PCDH9: variants seen among roughly 807,000 people sequenced by gnomAD.
PCDH9 encodes protocadherin-9.
A neutral mutation model predicts 70.6 loss-of-function variants in PCDH9; 24 were observed. The ratio of observed to expected loss-of-function variants is 0.34; its 90% confidence interval spans 0.25 to 0.48. The LOEUF (loss-of-function observed/expected upper bound fraction) is 0.48, where lower values mean the gene tolerates loss of function less well. Ranked by LOEUF, PCDH9 falls within the 20% of genes least tolerant of loss-of-function variation. PCDH9 has a pLI of 0.99. For synonymous variants in PCDH9, 562 were observed against 558.5 expected (o/e 1.01, Z -0.09); for missense variants, 1,281 against 1,503.6 (o/e 0.85, Z 2.45).
intron 3 of PCDH9, among the ~76,000 whole-genome samples, chr13:66,698,534 T>G (rs1376844137): frequency 1.3e-5 from 2 of 152,244 alleles, no homozygotes; most frequent in Admixed American, 1.3e-4. Context: ...GTGCTACCTT[T>G]CTCACAAGTC....
chr13:66,318,491 A>G (rs1226451114), intron 4 of PCDH9, among the ~76,000 whole-genome samples: 1 of 152,192 alleles, frequency 6.6e-6, no homozygotes, highest in African/African-American at 2.4e-5. Context: ...CTGAAATGTA[A>G]AAATTTTGTT....
chr13:66,942,421 T>TA lies in PCDH9; in HGVS notation c.3037-38817dup, dbSNP rs1304478719. On this transcript the variant is annotated intron_variant, in intron 2 of 4. Coordinates refer to ENST00000377865, the MANE Select transcript of PCDH9 (RefSeq NM_203487.3). ...ACCTATTTGTTTAGATGCGTGAAAG[T>TA]AAAAAAACCTCTACCCATGTTGATC... Among the ~76,000 whole-genome samples, 8 of 151,672 alleles carry TA rather than the reference T, an allele frequency of 5.3e-5. No homozygotes were observed. The East Asian group carries it at 7.7e-4, about 15-fold the overall frequency.
chr13:66,545,829 TTTTATTTATTTA>T (rs1555304918), intron 4 of PCDH9, among the ~76,000 whole-genome samples: 1 of 147,452 alleles, frequency 6.8e-6, no homozygotes, highest in African/African-American at 2.5e-5. Context: ...TTTTATTTTA[TTTTATTTATTTA>T]TTTATTTATT....
intron 3 of PCDH9, among the ~76,000 whole-genome samples, chr13:66,655,289 G>A (rs1015893452): frequency 6.6e-6 from 1 of 151,942 alleles, no homozygotes; most frequent in Non-Finnish European, 1.5e-5. Flanking sequence ...ATAAAATAAG[G>A]CCCAAAAGAG....
intron 3 of PCDH9, among the ~76,000 whole-genome samples, chr13:66,822,489 C>T (rs576141131): frequency 2.1e-5 from 3 of 145,290 alleles, no homozygotes; most frequent in South Asian, 4.3e-4. Flanking sequence ...TTGTGATGTC[C>T]TGGAATTTTT....
intron 3 of PCDH9, among the ~76,000 whole-genome samples, chr13:66,706,533 C>A (rs1372570876): frequency 6.6e-6 from 1 of 152,164 alleles, no homozygotes; most frequent in Non-Finnish European, 1.5e-5. Context: ...CTGACATTAA[C>A]TGCTAGCAGC....
chr13:66,526,739 G>A (rs1209494044), intron 4 of PCDH9, among the ~76,000 whole-genome samples: 1 of 152,118 alleles, frequency 6.6e-6, no homozygotes, highest in Non-Finnish European at 1.5e-5. Flanking sequence ...AATTCATTAT[G>A]AAGTTACTAT....
chr13:66,504,673 A>G (rs1959194623), intron 4 of PCDH9, among the ~76,000 whole-genome samples: 1 of 152,226 alleles, frequency 6.6e-6, no homozygotes, highest in Admixed American at 6.5e-5. Flanking sequence ...CTGCAGAGCC[A>G]AGGACTATGA....
intron 2 of PCDH9, among the ~76,000 whole-genome samples, chr13:67,164,122 A>C (rs943829330): frequency 6.6e-6 from 1 of 152,212 alleles, no homozygotes. Flanking sequence ...ATGCAATCAT[A>C]ATGCATCTTC....
chr13:67,213,102 T>C (rs1282939829), intron 2 of PCDH9: 1 of 147,306 alleles, frequency 6.8e-6, no homozygotes, highest in Non-Finnish European at 1.5e-5. Flanking sequence ...TCCCAGCTAC[T>C]TGGGAGGCTG....
chr13:66,665,794 G>A (rs984259411), intron 3 of PCDH9, among the ~76,000 whole-genome samples: 2 of 151,628 alleles, frequency 1.3e-5, no homozygotes, highest in Non-Finnish European at 2.9e-5. Context: ...CATCCTTCAC[G>A]GAAGAGTAAA....
At chr13:66,973,602 C>G (rs2083562603) in intron 2 of PCDH9, among the ~76,000 whole-genome samples, 1 of 151,936 alleles carries the variant, frequency 6.6e-6, no homozygotes, top group Admixed American at 6.6e-5. Context: ...ACCTGCTAAT[C>G]ATCTATTCAT....
At chr13:66,535,798 G>A (rs1932886) in intron 4 of PCDH9, among the ~76,000 whole-genome samples, 35,861 of 151,712 alleles carry the variant, frequency 0.24, 4,719 homozygotes, top group South Asian at 0.34. Flanking sequence ...ACACTGCTTG[G>A]GTAACATGCT....
At chr13:66,707,363 A>G (rs571893690) in intron 3 of PCDH9, among the ~76,000 whole-genome samples, 2 of 152,226 alleles carry the variant, frequency 1.3e-5, no homozygotes, top group Non-Finnish European at 2.9e-5. Flanking sequence ...GCACTTAGAA[A>G]AAAAGCAAGT....
At chr13:66,489,421 C>T (rs1439472451) in intron 4 of PCDH9, among the ~76,000 whole-genome samples, 25 of 152,120 alleles carry the variant, frequency 1.6e-4, no homozygotes, top group Non-Finnish European at 4.4e-5. Flanking sequence ...AGCAAGCCTC[C>T]CACCTCAGCT....
chr13:66,851,483 A>G (rs2081313395), intron 3 of PCDH9, among the ~76,000 whole-genome samples: 2 of 152,112 alleles, frequency 1.3e-5, no homozygotes, highest in Admixed American at 6.6e-5. Flanking sequence ...AATTACACAC[A>G]TCTATGAGAA....
At chr13:67,055,719 G>A (rs1002432408) in intron 2 of PCDH9, among the ~76,000 whole-genome samples, 1 of 152,174 alleles carries the variant, frequency 6.6e-6, no homozygotes, top group East Asian at 1.9e-4. Context: ...GGGATGCCAT[G>A]AGCCCAGGAA....
At chr13:67,211,282 G>C (rs2089462645) in intron 2 of PCDH9, 1 of 151,922 alleles carries the variant, frequency 6.6e-6, no homozygotes, top group South Asian at 2.1e-4. Flanking sequence ...GGTGATAGTT[G>C]CCTAAGCCTA....
chr13:66,706,645 T>C (rs182930563), intron 3 of PCDH9, among the ~76,000 whole-genome samples: 35 of 151,848 alleles, frequency 2.3e-4, no homozygotes, highest in Admixed American at 1.6e-3. Flanking sequence ...TTTTAGAGAG[T>C]AGAAACAGAT....
Sources: gnomAD v4.1 joint callset for allele counts (sites outside exome capture counted in the v4.1 genomes callset) on GRCh38, gnomAD v4.1.1 for gene constraint, MANE v1.5 for transcripts, NCBI Gene and HGNC (gene_info 2026-07-23, HGNC 2026-07-21) for gene names.